Variants in NAALADL2 observed in about 807,000 individuals in gnomAD.
NAALADL2 encodes the protein inactive N-acetylated-alpha-linked acidic dipeptidase-like protein 2.
In NAALADL2, 76 loss-of-function variants were observed where a neutral mutation model predicts 87.2. That is an observed-to-expected ratio of 0.87 (90% CI 0.72 to 1.05). The LOEUF (loss-of-function observed/expected upper bound fraction) is 1.05, where lower values mean the gene tolerates loss of function less well. Ranked by LOEUF, NAALADL2 falls within the 50% of genes least tolerant of loss-of-function variation. NAALADL2 has a pLI of 0.00. For missense variants in NAALADL2, 1,089 were observed against 945.8 expected (o/e 1.15, Z -1.99); for synonymous variants, 354 against 331.0 (o/e 1.07, Z -0.75).
chr3:175,343,940 T>TA (rs944660718), intron 5 of NAALADL2, among the ~76,000 whole-genome samples: 22 of 150,252 alleles, frequency 1.5e-4, no homozygotes, highest in African/African-American at 3.4e-4. Flanking sequence ...CAGTCTTCTT[T>TA]AAAAAAAAAA....
At chr3:174,863,157 G>T (rs963598491) in intron 1 of NAALADL2, among the ~76,000 whole-genome samples, 1 of 152,076 alleles carries the variant, frequency 6.6e-6, no homozygotes, top group African/African-American at 2.4e-5. Flanking sequence ...TAGGAAAATT[G>T]TTTTTGGTTT....
At chr3:175,334,957 C>A (rs7626533) in intron 5 of NAALADL2, among the ~76,000 whole-genome samples, 19,642 of 152,060 alleles carry the variant, frequency 0.13, 4,131 homozygotes, top group African/African-American at 0.44. Context: ...GTGTGCCTCC[C>A]CCAGAACGTT....
At chr3:174,799,322 T>A (rs1274392486) in intron 3 of NAALADL2, among the ~76,000 whole-genome samples, 2 of 152,048 alleles carry the variant, frequency 1.3e-5, no homozygotes, top group African/African-American at 4.8e-5. Flanking sequence ...CCTACCCAAA[T>A]CTCTTTTTGA....
chr3:175,493,593 G>A (rs925204870), intron 9 of NAALADL2, among the ~76,000 whole-genome samples: 6 of 152,090 alleles, frequency 3.9e-5, no homozygotes, highest in African/African-American at 1.4e-4. Flanking sequence ...CATTATGCCT[G>A]TGAAAACTGC....
intron 2 of NAALADL2, among the ~76,000 whole-genome samples, chr3:175,120,136 T>C (rs187842953): frequency 6.6e-6 from 1 of 151,722 alleles, no homozygotes; most frequent in African/African-American, 2.4e-5. Flanking sequence ...AAGCCCACTT[T>C]TTCCTGACTG....
intron 1 of NAALADL2, among the ~76,000 whole-genome samples, chr3:174,961,178 C>A (rs1304858527): frequency 6.7e-6 from 1 of 150,018 alleles, no homozygotes; most frequent in Non-Finnish European, 1.5e-5. Context: ...GAGATAAGGT[C>A]TCACTATGTT....
intron 6 of NAALADL2, among the ~76,000 whole-genome samples, chr3:175,457,853 AAAG>A (rs137973582): frequency 0.026 from 3,937 of 152,052 alleles, 174 homozygotes; most frequent in African/African-American, 0.09. Flanking sequence ...ATTCCACTGT[AAAG>A]AAGAGATTTT....
Position 175,447,721 on chromosome 3 carries a change from T to G in NAALADL2, c.1234+349T>G, listed in dbSNP as rs530872676. Among the ~76,000 whole-genome samples, 14 of 152,338 alleles carry G rather than the reference T, an allele frequency of 9.2e-5. No homozygotes were observed. In the East Asian group the frequency reaches 2.7e-3, roughly 29 times the overall value. On this transcript the variant is annotated intron_variant, in intron 6 of 13. Coordinates refer to ENST00000454872, the MANE Select transcript of NAALADL2 (RefSeq NM_207015.3). Reference sequence around the variant, plus strand: ...TCATTGCCTGCCAAGATTCAGTGGATAGCAGGCAACTATCTGGGGTATGAA... The same window carrying G: ...TCATTGCCTGCCAAGATTCAGTGGAGAGCAGGCAACTATCTGGGGTATGAA...
At chr3:175,286,598 C>G (rs764459889) in intron 4 of NAALADL2, among the ~76,000 whole-genome samples, 4 of 152,000 alleles carry the variant, frequency 2.6e-5, no homozygotes, top group African/African-American at 9.7e-5. Context: ...ACCTATGGAT[C>G]GACTTCTGGA....
intron 3 of NAALADL2, among the ~76,000 whole-genome samples, chr3:174,750,339 C>T (rs1206478157): frequency 2.0e-5 from 3 of 152,188 alleles, no homozygotes; most frequent in Non-Finnish European, 2.9e-5. Context: ...TTGGATATGG[C>T]TTCCCAGTTT....
chr3:175,802,243 G>A (rs755221222), intron 13 of NAALADL2, among the ~76,000 whole-genome samples: 1 of 151,732 alleles, frequency 6.6e-6, no homozygotes, highest in East Asian at 1.9e-4. Flanking sequence ...CCAATAGTCA[G>A]TGTTCAGTTT....
In NAALADL2 at chr3:175,135,719, C is replaced by A. The variant is rs73883365; in HGVS notation, c.545+38428C>A. On this transcript the variant is annotated intron_variant, in intron 2 of 13. Transcript: ENST00000454872. ...TCCTGAAAGATCCTGTGAATAGTAA[C>A]TGGAGGATAGATAAAACTAATGTCA... Among the ~76,000 whole-genome samples the A allele has an allele frequency of 7.6e-3, 1,162 of 152,138 alleles. 12 individuals are homozygous for A. The highest frequency in any genetic ancestry group is 0.026 in the African/African-American group (1,092 of 41,490).
chr3:175,709,546 G>T (rs898153579), intron 11 of NAALADL2, among the ~76,000 whole-genome samples: 2 of 152,080 alleles, frequency 1.3e-5, no homozygotes, highest in African/African-American at 4.8e-5. Context: ...GCCCCCAGGG[G>T]ACATGTCCAC....
chr3:175,448,585 C>T (rs1170282018), intron 6 of NAALADL2, among the ~76,000 whole-genome samples: 1 of 152,166 alleles, frequency 6.6e-6, no homozygotes, highest in Non-Finnish European at 1.5e-5. Flanking sequence ...ATGTCACCTC[C>T]CACTGGAAGC....
At chr3:174,874,520 A>C (rs1218713302) in intron 1 of NAALADL2, among the ~76,000 whole-genome samples, 1 of 152,076 alleles carries the variant, frequency 6.6e-6, no homozygotes, top group Non-Finnish European at 1.5e-5. Context: ...CAGGCATTTT[A>C]TGTGAGTGAC....
chr3:175,229,595 G>A (rs1407681584), intron 2 of NAALADL2, among the ~76,000 whole-genome samples: 2 of 151,870 alleles, frequency 1.3e-5, no homozygotes, highest in Non-Finnish European at 2.9e-5. Context: ...GCTCCCTCAT[G>A]GATGGTGCTT....
chr3:175,059,120 C>A (rs1712876561), intron 1 of NAALADL2, among the ~76,000 whole-genome samples: 1 of 151,150 alleles, frequency 6.6e-6, no homozygotes. Flanking sequence ...GAAGTCATTG[C>A]TTTTTAAAGC....
intron 9 of NAALADL2, among the ~76,000 whole-genome samples, chr3:175,490,169 T>C (rs1017738843): frequency 1.3e-5 from 2 of 152,154 alleles, no homozygotes; most frequent in African/African-American, 4.8e-5. Context: ...CTGTTTCCTT[T>C]GAGAGTGCTG....
intron 2 of NAALADL2, among the ~76,000 whole-genome samples, chr3:174,567,104 A>G (rs1392310875): frequency 1.3e-5 from 2 of 151,714 alleles, no homozygotes; most frequent in African/African-American, 2.4e-5. Context: ...AATAATCCAT[A>G]TCAGGGAGAG....
Sources: gnomAD v4.1 joint callset for allele counts (sites outside exome capture counted in the v4.1 genomes callset) on GRCh38, gnomAD v4.1.1 for gene constraint, MANE v1.5 for transcripts, NCBI Gene and HGNC (gene_info 2026-07-23, HGNC 2026-07-21) for gene names.